BTBD9: variants seen among roughly 807,000 people sequenced by gnomAD.
BTBD9 encodes the protein BTB/POZ domain-containing protein 9.
A neutral mutation model predicts 64.3 loss-of-function variants in BTBD9; 49 were observed. The ratio of observed to expected loss-of-function variants is 0.76; its 90% CI spans 0.61 to 0.97. BTBD9 has a LOEUF of 0.97. Ranked by LOEUF, BTBD9 falls within the 50% of genes least tolerant of loss-of-function variation. The pLI is 0.00. For synonymous variants in BTBD9, 260 were observed against 274.7 expected (o/e 0.95, Z 0.53); for missense variants, 598 against 762.1 (o/e 0.78, Z 2.53).
At chr6:38,429,531 G>A (rs1004272322) in intron 6 of BTBD9, among the ~76,000 whole-genome samples, 4 of 150,956 alleles carry the variant, frequency 2.6e-5, no homozygotes, top group South Asian at 2.1e-4. Context: ...GCACACATAC[G>A]TACTTAAATG....
chr6:38,261,148 A>G (rs540998845), intron 8 of BTBD9, among the ~76,000 whole-genome samples: 1 of 151,294 alleles, frequency 6.6e-6, no homozygotes, highest in African/African-American at 2.4e-5. Flanking sequence ...CTAGTCTCCA[A>G]CTCCTGGCCT....
chr6:38,623,120 C>T (rs1778046037), intron 1 of BTBD9, among the ~76,000 whole-genome samples: 2 of 151,592 alleles, frequency 1.3e-5, no homozygotes, highest in Admixed American at 6.6e-5. Context: ...ACTCACACAC[C>T]TTTTTAACAT....
intron 6 of BTBD9, among the ~76,000 whole-genome samples, chr6:38,377,768 C>T (rs947847840): frequency 6.6e-6 from 1 of 152,050 alleles, no homozygotes; most frequent in Non-Finnish European, 1.5e-5. Context: ...CATATTTACC[C>T]AAAACATTAA....
intron 1 of BTBD9, among the ~76,000 whole-genome samples, chr6:38,627,246 G>T (rs756347999): frequency 1.3e-5 from 2 of 152,162 alleles, no homozygotes; most frequent in African/African-American, 4.8e-5. Flanking sequence ...CAGATTAGGG[G>T]TGTCTTATAA....
chr6:38,404,289 C>T (rs1767071205), intron 6 of BTBD9, among the ~76,000 whole-genome samples: 1 of 152,178 alleles, frequency 6.6e-6, no homozygotes, highest in Non-Finnish European at 1.5e-5. Flanking sequence ...CTTTAGCACA[C>T]TAGCCCATTT....
intron 6 of BTBD9, among the ~76,000 whole-genome samples, chr6:38,351,712 T>G (rs906630029): frequency 6.6e-6 from 1 of 151,804 alleles, no homozygotes; most frequent in African/African-American, 2.4e-5. Context: ...TGTTAGCCAG[T>G]ATGGTCTCGA....
chr6:38,233,142 C>T (rs780092910), intron 9 of BTBD9, among the ~76,000 whole-genome samples: 6 of 152,088 alleles, frequency 3.9e-5, no homozygotes, highest in South Asian at 2.1e-4. Context: ...CTAGTGATAA[C>T]CTTTATCTAA....
rs114606726 is a variant in BTBD9, at chr6:38,236,221, A to G, written c.1562+20188T>C. On this transcript the variant is annotated intron_variant, in intron 9 of 10. Transcript: ENST00000481247. ...CTCTTCATCCCCTTTTCCAAATACAATGGAGACCAGGAACTAGCAACACTA... is the reference window on the plus strand; with the variant it reads ...CTCTTCATCCCCTTTTCCAAATACAGTGGAGACCAGGAACTAGCAACACTA... Among the ~76,000 whole-genome samples, 942 of 152,274 alleles carry G rather than the reference A, an allele frequency of 6.2e-3. 9 individuals carry two copies. The highest frequency in any genetic ancestry group is 0.014 in the Middle Eastern group (4 of 294).
chr6:38,403,869 T>A (rs1218481985), intron 6 of BTBD9, among the ~76,000 whole-genome samples: 1 of 152,236 alleles, frequency 6.6e-6, no homozygotes, highest in African/African-American at 2.4e-5. Context: ...AAATACTGTA[T>A]ATTCATACAA....
intron 8 of BTBD9, among the ~76,000 whole-genome samples, chr6:38,274,076 G>C (rs116315563): frequency 2.3e-4 from 35 of 152,322 alleles, no homozygotes; most frequent in African/African-American, 7.5e-4. Flanking sequence ...AGAAATGGTC[G>C]AAGGAAGAGG....
chr6:38,607,373 CATGTTCAT>C (rs1260356576), intron 1 of BTBD9, among the ~76,000 whole-genome samples: 4 of 152,118 alleles, frequency 2.6e-5, no homozygotes, highest in Non-Finnish European at 4.4e-5. Flanking sequence ...CCATTTTATG[CATGTTCAT>C]ATGTTCATAT....
intron 6 of BTBD9, among the ~76,000 whole-genome samples, chr6:38,364,570 G>A (rs964116710): frequency 1.3e-5 from 2 of 152,136 alleles, no homozygotes; most frequent in Non-Finnish European, 2.9e-5. Context: ...ATTCAATCCA[G>A]GAGATTTAAA....
chr6:38,337,559 C>T (rs565941379), intron 7 of BTBD9, among the ~76,000 whole-genome samples: 6 of 152,318 alleles, frequency 3.9e-5, no homozygotes, highest in East Asian at 1.9e-4. Context: ...GCAAGAGATA[C>T]GTTCAGTTCC....
intron 6 of BTBD9, among the ~76,000 whole-genome samples, chr6:38,383,632 A>G (rs1766030539): frequency 6.6e-6 from 1 of 152,240 alleles, no homozygotes; most frequent in African/African-American, 2.4e-5. Context: ...GAAAGTTATA[A>G]AATTTTGTTG....
At chr6:38,535,084 T>C (rs1394853043) in intron 6 of BTBD9, among the ~76,000 whole-genome samples, 1 of 152,140 alleles carries the variant, frequency 6.6e-6, no homozygotes, top group African/African-American at 2.4e-5. Context: ...ATTATCCTTG[T>C]TTGAAGAGGA....
chr6:38,577,479 T>C (rs1371888655), intron 6 of BTBD9, 121 bp downstream of exon 6: 4 of 936,524 alleles, frequency 4.3e-6, no homozygotes, highest in African/African-American at 1.7e-5. Flanking sequence ...ACTTGGGATA[T>C]GTTTAGTAGT....
intron 6 of BTBD9, among the ~76,000 whole-genome samples, chr6:38,484,810 C>A (rs576544066): frequency 6.6e-6 from 1 of 152,178 alleles, no homozygotes; most frequent in Non-Finnish European, 1.5e-5. Flanking sequence ...TGAGTCATAA[C>A]CTTTTTGCTG....
At chr6:38,220,151 G>A (rs1376674405) in intron 9 of BTBD9, among the ~76,000 whole-genome samples, 4 of 152,240 alleles carry the variant, frequency 2.6e-5, no homozygotes, top group African/African-American at 9.6e-5. Context: ...GGCAGTGGGT[G>A]ATGGTGTTGG....
At chr6:38,335,812 C>T (rs946526700) in intron 7 of BTBD9, among the ~76,000 whole-genome samples, 4 of 152,210 alleles carry the variant, frequency 2.6e-5, no homozygotes, top group African/African-American at 9.6e-5. Flanking sequence ...TGGCTCACCG[C>T]AACCTTTGCT....
Sources: gnomAD v4.1 joint callset for allele counts (sites outside exome capture counted in the v4.1 genomes callset) on GRCh38, gnomAD v4.1.1 for gene constraint, MANE v1.5 for transcripts, NCBI Gene and HGNC (gene_info 2026-07-23, HGNC 2026-07-21) for gene names.